GNAT2: variants seen among roughly 807,000 people sequenced by gnomAD.
The protein encoded by GNAT2 is guanine nucleotide-binding protein G(t) subunit alpha-2.
GNAT2 carries 32 observed loss-of-function variants against 40.9 expected under a neutral mutation model. The observed-to-expected ratio is 0.78, with a 90% confidence interval of 0.59 to 1.05. GNAT2 has a LOEUF of 1.05. Among genes scored for constraint, GNAT2 ranks in the 50% least tolerant of loss-of-function variants. GNAT2 has a pLI of 0.00. For synonymous variants in GNAT2, 141 were observed against 157.2 expected (o/e 0.90, Z 0.77); for missense variants, 355 against 431.5 (o/e 0.82, Z 1.57).
intron 2 of GNAT2, 127 bp downstream of exon 2, chr1:109,612,626 C>T (rs1649831441): frequency 1.3e-6 from 1 of 744,140 alleles, no homozygotes; most frequent in Non-Finnish European, 2.5e-6. Context: ...CCTAGCCAGA[C>T]TGTGTAGAGG....
chr1:109,613,768 A>G (rs899491334), intron 1 of GNAT2: 9 of 152,190 alleles, frequency 5.9e-5, no homozygotes, highest in African/African-American at 2.2e-4. Flanking sequence ...CCTTTGGCCC[A>G]CTAAAGCCAG....
rs546168176 is a variant in GNAT2 at position 109,612,733 on chromosome 1, C to T, written c.118+20G>A. 3 of 1,410,834 alleles carry T rather than the reference C, an allele frequency of 2.1e-6. No homozygotes were observed. Among genetic ancestry groups the T allele is most frequent in the East Asian group, 2.3e-5 (1 of 43,928 alleles). The allele number at this position is 1,410,834 out of a possible 1,614,324, so 87.4% of individuals were successfully genotyped here. On this transcript the variant is annotated intron_variant, in intron 2 of 8. Transcript: ENST00000679935. The stretch of plus-strand genomic sequence containing the variant: ...GGAAGGACCCCTGCCTTCTCTGGCT[C>T]ATCTTCCCATCTCACTCACCCAGCA...
chr1:109,618,175 A>G (rs1187136488), intron 1 of GNAT2: 1 of 152,262 alleles, frequency 6.6e-6, no homozygotes, highest in African/African-American at 2.4e-5. Context: ...CACTACAGAT[A>G]ATCATTGGTA....
At chr1:109,604,238 G>C (rs1649526428) in intron 7 of GNAT2, 134 bp from the exon 8 acceptor site, 12 of 729,654 alleles carry the variant, frequency 1.6e-5, no homozygotes, top group Non-Finnish European at 2.9e-5. Context: ...TTATCTCAAT[G>C]TACCAGAGTA....
chr1:109,606,363 C>T lies in GNAT2; in HGVS notation c.535G>A (p.Val179Ile). The part of the protein sequence containing the change: ...PSEQDVLRSR[V>I]KTTGIIETKF... Reference sequence around the variant, plus strand: ...GTTTCAATGATGCCCGTGGTTTTGACTCTGGATCGGAGCACATCTTGCTCA... The same window carrying T: ...GTTTCAATGATGCCCGTGGTTTTGATTCTGGATCGGAGCACATCTTGCTCA... Residue 179 changes from valine (V) to isoleucine (I), a missense_variant, in exon 6 of 9, where the codon GTC becomes ATC. Transcript: ENST00000679935. 1.2e-6 allele frequency: 2 copies of T among 1,612,636 alleles called. No individual in the cohort carries two copies. The highest frequency in any genetic ancestry group is 1.1e-5 in the South Asian group (1 of 91,052).
chr1:109,603,805 G>A, intron 8 of GNAT2, 146 bp downstream of exon 8: 1 of 724,240 alleles, frequency 1.4e-6, no homozygotes, highest in East Asian at 2.6e-5. Flanking sequence ...AATGCCTGCT[G>A]TATTCCAGAG....
chr1:109,618,883 G>T (rs367986240), intron 1 of GNAT2, among the ~76,000 whole-genome samples: 2 of 152,182 alleles, frequency 1.3e-5, no homozygotes, highest in Non-Finnish European at 2.9e-5. Flanking sequence ...GGGGAGAGAA[G>T]AGGGAGGCAG....
intron 5 of GNAT2, chr1:109,606,670 A>G: frequency 2.1e-6 from 1 of 487,230 alleles, no homozygotes; most frequent in Non-Finnish European, 3.8e-6. Flanking sequence ...GCGCATTTAA[A>G]TCAAGTTAGA....
chr1:109,608,510 T>C, intron 5 of GNAT2, 121 bp downstream of exon 5: 1 of 878,676 alleles, frequency 1.1e-6, no homozygotes, highest in Admixed American at 1.7e-5. Context: ...CTGAATTCAG[T>C]CTGGGTCTCC....
In GNAT2 at chr1:109,608,688, C is replaced by T. The variant is rs766682709; in HGVS notation, c.404G>A (p.Gly135Glu). The change falls in exon 5 of 9, where the codon GGG becomes GAG. Residue 135 changes from glycine to glutamate, a missense_variant. Gly to Glu is a moderately conservative substitution (Grantham distance 98). Coordinates refer to ENST00000679935, the MANE Select transcript of GNAT2 (RefSeq NM_001377295.2). ...EVIRRLWKDG[G>E]VQACFERAAE... ...AGCTCTCTCGAAGCAGGCTTGCACC[C>T]CACCATCCTTCCACAACCTCCTAAT... is the stretch of plus-strand genomic sequence containing the variant. 1.9e-6 allele frequency: 3 copies of T among 1,613,906 alleles called. No individual in the cohort carries two copies. The highest frequency in any genetic ancestry group is 2.5e-6 in the Non-Finnish European group (3 of 1,179,902).
Position 109,610,225 on chromosome 1 carries a change from C to A in GNAT2, c.162-44G>T, listed in dbSNP as rs564717098. 13 of 1,602,732 alleles carry A rather than the reference C, an allele frequency of 8.1e-6. No individual in the cohort carries two copies. In the South Asian group the frequency reaches 1.1e-4, roughly 14 times the overall value. On this transcript the variant is annotated intron_variant, in intron 3 of 8. Coordinates refer to ENST00000679935, the MANE Select transcript of GNAT2 (RefSeq NM_001377295.2). ...CTGTCTTTAGCTGGACCTGAGTAAC[C>A]AGACCTAAGGGATTAGGAATTTGGG...
chr1:109,603,826 T>A, intron 8 of GNAT2, 125 bp downstream of exon 8: 1 of 789,658 alleles, frequency 1.3e-6, no homozygotes. Flanking sequence ...TATCTGAATT[T>A]AAACCCTGTA....
chr1:109,612,394 TTA>T (rs557008179), intron 2 of GNAT2: 287 of 350,892 alleles, frequency 8.2e-4, no homozygotes, highest in African/African-American at 5.8e-3. Flanking sequence ...ATTTCTTGGC[TTA>T]GAGTTCTCTG....
intron 1 of GNAT2, chr1:109,613,397 A>G: frequency 5.3e-6 from 1 of 186,992 alleles, no homozygotes; most frequent in East Asian, 1.3e-4. Flanking sequence ...CAGGGTATCA[A>G]AGCATACTCG....
intron 2 of GNAT2, 140 bp from the exon 3 acceptor site, chr1:109,610,647 A>G: frequency 1.4e-6 from 1 of 733,106 alleles, no homozygotes; most frequent in South Asian, 1.5e-5. Context: ...GCTGCCCTCA[A>G]TTTCTGGCAG....
chr1:109,612,740 C>A lies in GNAT2; in HGVS notation c.118+13G>T. On this transcript the variant is annotated intron_variant, in intron 2 of 8. Coordinates refer to ENST00000679935, the MANE Select transcript of GNAT2 (RefSeq NM_001377295.2). ...CCCCTGCCTTCTCTGGCTCATCTTC[C>A]CATCTCACTCACCCAGCAGTAGCAG... 6.8e-7 allele frequency: 1 copy of A among 1,479,330 alleles called. No individual in the cohort carries two copies. Among genetic ancestry groups the A allele is most frequent in the South Asian group, 1.1e-5 (1 of 88,472 alleles). 91.6% of individuals were successfully genotyped at this position (1,479,330 alleles called of 1,614,324 possible).
At position 109,610,462 on chromosome 1, in the gene GNAT2, CACTT is replaced by C; in HGVS notation, c.160_161+2del. On this transcript the variant is annotated splice_donor_variant and coding_sequence_variant, in exon 3 of 9. Transcript: ENST00000679935. LOFTEE classifies it high-confidence loss of function. The stretch of plus-strand genomic sequence containing the variant: ...TGTCTTTTGGGGCTTTGTTTCTACT[CACTT>C]CATCTGTTTGACGATGGTGCTCTTT... 6.2e-7 allele frequency: 1 copy of C among 1,613,438 alleles called. No homozygotes were observed. The highest frequency in any genetic ancestry group is 8.5e-7 in the Non-Finnish European group (1 of 1,179,400).
chr1:109,610,247 T>A (rs530654365), intron 3 of GNAT2, 66 bp from the exon 4 acceptor site: 7 of 1,537,212 alleles, frequency 4.6e-6, no homozygotes, highest in Non-Finnish European at 6.3e-6. Context: ...ATTAGGAATT[T>A]GGGGGTATTT....
At chr1:109,618,244 G>T (rs1650011915) in intron 1 of GNAT2, 1 of 152,288 alleles carries the variant, frequency 6.6e-6, no homozygotes, top group Non-Finnish European at 1.5e-5. Flanking sequence ...ACCATACTGT[G>T]TATAGTGTTT....
Sources: gnomAD v4.1 joint callset for allele counts (sites outside exome capture counted in the v4.1 genomes callset) on GRCh38, gnomAD v4.1.1 for gene constraint, MANE v1.5 for transcripts, NCBI Gene and HGNC (gene_info 2026-07-23, HGNC 2026-07-21) for gene names.